Variants in SLC36A1 observed in about 807,000 individuals in gnomAD.
SLC36A1 encodes the protein solute carrier family 36 member 1, also known as proton-coupled amino acid transporter 1.
SLC36A1 carries 30 observed loss-of-function variants against 47.5 expected under a neutral mutation model. That is an observed-to-expected ratio of 0.63 (90% confidence interval 0.47 to 0.86). The LOEUF is 0.86. Among genes scored for constraint, SLC36A1 ranks in the 40% least tolerant of loss-of-function variants. The pLI, the probability that SLC36A1 is intolerant of heterozygous loss-of-function variation, is 0.00. For synonymous variants in SLC36A1, 255 were observed against 249.7 expected (o/e 1.02, Z -0.20); for missense variants, 517 against 606.0 (o/e 0.85, Z 1.54).
At chr5:151,402,772 A>G in the SLC36A1 span, among the ~76,000 whole-genome samples, 2 of 152,064 alleles carry the variant, frequency 1.3e-5, no homozygotes, top group Non-Finnish European at 1.5e-5. Flanking sequence ...AGTTTCCTCT[A>G]GATTTTCTAG....
At chr5:151,537,211 G>GGAA in the SLC36A1 span, among the ~76,000 whole-genome samples, 6 of 135,988 alleles carry the variant, frequency 4.4e-5, no homozygotes, top group South Asian at 1.1e-3. Flanking sequence ...AAGAAGAAGA[G>GGAA]GAAGAAGAAG....
the SLC36A1 span, among the ~76,000 whole-genome samples, chr5:151,427,017 T>C: frequency 2.0e-5 from 3 of 152,186 alleles, no homozygotes; most frequent in Non-Finnish European, 4.4e-5. Flanking sequence ...GGGCTACAGG[T>C]ACAGATGAAC....
At chr5:151,542,467 G>A in the SLC36A1 span, 4 of 1,614,184 alleles carry the variant, frequency 2.5e-6, no homozygotes, top group Non-Finnish European at 2.5e-6. Context: ...GGCCTGAGAG[G>A]ATAGCTGGAT....
intron 7 of SLC36A1, among the ~76,000 whole-genome samples, chr5:151,468,266 A>AAATATATAT (rs55642458): frequency 1.3e-4 from 8 of 63,814 alleles, no homozygotes; most frequent in African/African-American, 7.0e-4. Flanking sequence ...AAAAAAAAAA[A>AAATATATAT]ATATATATAT....
upstream of SLC36A1, among the ~76,000 whole-genome samples, chr5:151,434,866 T>A (rs1052676209): frequency 6.6e-6 from 1 of 152,212 alleles, no homozygotes; most frequent in Non-Finnish European, 1.5e-5. Flanking sequence ...CTTTTCGGTC[T>A]CCGGAACTGT....
At chr5:151,426,738 A>G in the SLC36A1 span, among the ~76,000 whole-genome samples, 6 of 151,828 alleles carry the variant, frequency 4.0e-5, no homozygotes, top group Admixed American at 2.0e-4. Flanking sequence ...GGGCTGGGGG[A>G]TGGTCAGGTC....
chr5:151,507,103 A>G, the SLC36A1 span: 2 of 1,481,296 alleles, frequency 1.4e-6, no homozygotes, highest in Non-Finnish European at 1.8e-6. Flanking sequence ...GTTTAGAACC[A>G]CCACCCACTT....
the SLC36A1 span, among the ~76,000 whole-genome samples, chr5:151,399,017 T>C: frequency 1.3e-5 from 2 of 150,194 alleles, no homozygotes; most frequent in African/African-American, 4.9e-5. Flanking sequence ...CTTCTCGCTC[T>C]GCATGTGTGT....
the SLC36A1 span, among the ~76,000 whole-genome samples, chr5:151,427,137 C>T: frequency 6.6e-6 from 1 of 152,124 alleles, no homozygotes; most frequent in Middle Eastern, 3.2e-3. Flanking sequence ...TTTCTTTACC[C>T]CACAGTATCA....
upstream of SLC36A1, among the ~76,000 whole-genome samples, chr5:151,446,991 C>A (rs1412247377): frequency 6.6e-6 from 1 of 152,030 alleles, no homozygotes; most frequent in Non-Finnish European, 1.5e-5. Flanking sequence ...GATGAATTGA[C>A]CCCTTTATTA....
At chr5:151,522,938 G>T in the SLC36A1 span, among the ~76,000 whole-genome samples, 15 of 152,104 alleles carry the variant, frequency 9.9e-5, no homozygotes, top group African/African-American at 3.6e-4. Flanking sequence ...ACTTAAGTAG[G>T]GAAAAGAATG....
the SLC36A1 span, chr5:151,512,138 G>A: frequency 6.3e-7 from 1 of 1,597,122 alleles, no homozygotes; most frequent in Non-Finnish European, 8.6e-7. The surrounding 1 kb of genome is among the most constrained non-coding windows in gnomAD (Gnocchi z 4.1). Flanking sequence ...ATAAACCCTG[G>A]GTTCAGCCTG....
rs1756148788 is a variant in SLC36A1 at position 151,465,106 on chromosome 5, C to G, written c.356C>G (p.Thr119Ser). 2 of 1,614,112 alleles carry G rather than the reference C, an allele frequency of 1.2e-6. No homozygotes were observed. The change falls in exon 5 of 11, where the codon ACT (threonine) becomes AGT (serine). Residue 119 changes from threonine to serine, a missense_variant. Physicochemically the swap from Thr to Ser is moderately conservative, Grantham distance 58 (BLOSUM62 1). Coordinates refer to ENST00000243389, the MANE Select transcript of SLC36A1 (RefSeq NM_078483.4). ...LNKSFVDYGD[T>S]VMYGLESSPC... ...AAATCCTTTGTGGATTATGGTGATA[C>G]TGTGATGTATGGACTAGAATCCAGC...
At chr5:151,547,106 A>G in the SLC36A1 span, among the ~76,000 whole-genome samples, 3 of 152,224 alleles carry the variant, frequency 2.0e-5, no homozygotes, top group South Asian at 6.2e-4. Context: ...ATATTTTTAA[A>G]GGTAACATTA....
At chr5:151,545,569 G>A in the SLC36A1 span, 1 of 1,614,082 alleles carries the variant, frequency 6.2e-7, no homozygotes, top group South Asian at 1.1e-5. Flanking sequence ...GGCAGGTCTG[G>A]GTGCAAATAA....
intron 4 of SLC36A1, 76 bp from the exon 5 acceptor site, chr5:151,464,998 G>A (rs1756126632): frequency 8.5e-7 from 1 of 1,181,726 alleles, no homozygotes; most frequent in Non-Finnish European, 1.3e-6. Flanking sequence ...CCAGGTCTCA[G>A]TGGCTCTTTT....
chr5:151,385,009 A>AGAGAGTGTGTGTGT, the SLC36A1 span, among the ~76,000 whole-genome samples: 54 of 128,520 alleles, frequency 4.2e-4, no homozygotes, highest in Middle Eastern at 7.5e-3. Flanking sequence ...AGAGAGAGAG[A>AGAGAGTGTGTGTGT]GTGTGTGTGT....
the SLC36A1 span, chr5:151,382,115 G>T: frequency 1.2e-6 from 1 of 839,776 alleles, no homozygotes; most frequent in South Asian, 1.4e-5. Context: ...ACATGGTGCT[G>T]ACAGAGCACG....
chr5:151,545,727 C>T, the SLC36A1 span: 3 of 1,614,022 alleles, frequency 1.9e-6, no homozygotes, highest in Admixed American at 1.7e-5. Flanking sequence ...TTTTATAGAC[C>T]AACAAGGAAT....
Sources: gnomAD v4.1 joint callset for allele counts (sites outside exome capture counted in the v4.1 genomes callset) on GRCh38, gnomAD v4.1.1 for gene constraint, Gnocchi (gnomAD v3.1) non-coding constraint, MANE v1.5 for transcripts, NCBI Gene and HGNC (gene_info 2026-07-23, HGNC 2026-07-21) for gene names.